TLN2: variants seen among roughly 807,000 people sequenced by gnomAD.
The protein encoded by TLN2 is talin 2.
TLN2 carries 118 observed loss-of-function variants against 294.7 expected under a neutral mutation model. That is an observed-to-expected ratio of 0.40 (90% confidence interval 0.34 to 0.47). TLN2 has a LOEUF of 0.47. Ranked by LOEUF, TLN2 falls within the 20% of genes least tolerant of loss-of-function variation. The probability of loss-of-function intolerance (pLI) is 0.84; values close to 1 mark genes in which losing one functional copy is unlikely to be tolerated. For missense variants in TLN2, 3,083 were observed against 3,282.2 expected (o/e 0.94, Z 1.48); for synonymous variants, 1,431 against 1,304.5 (o/e 1.10, Z -2.09).
rs143132556 is a variant in TLN2 at position 62,697,768 on chromosome 15, C to T, written c.1373C>T (p.Ser458Leu). ...GTGGCGCTGCCGGCCGTGATGCGCT[C>T]GGGCTCCAGCGGGCCTGAGACCTTC... ...GSVALPAVMR[S>L]GSSGPETFNV... The change falls in exon 15 of 59, where the codon TCG becomes TTG. Residue 458 changes from serine (S) to leucine (L), a missense_variant. Physicochemically the swap from Ser to Leu is moderately radical, Grantham distance 145 (BLOSUM62 -2). Coordinates refer to ENST00000636159, the MANE Select transcript of TLN2 (RefSeq NM_015059.3). 79 of 1,612,440 alleles carry T rather than the reference C, an allele frequency of 4.9e-5. No homozygotes were observed. Among genetic ancestry groups the T allele is most frequent in the African/African-American group, 9.3e-5 (7 of 74,880 alleles).
chr15:62,710,812 G>C (rs544636950), intron 21 of TLN2, among the ~76,000 whole-genome samples: 1 of 125,700 alleles, frequency 8.0e-6, no homozygotes, highest in Admixed American at 1.1e-4. Context: ...TGCAAGCTCC[G>C]CCTCCCAGGT....
intron 28 of TLN2, among the ~76,000 whole-genome samples, chr15:62,733,558 T>A (rs2060843794): frequency 1.3e-5 from 2 of 152,244 alleles, no homozygotes; most frequent in Admixed American, 6.5e-5. Flanking sequence ...GTAAATACTT[T>A]GGAACAGATA....
At chr15:62,709,206 C>T (rs947868269) in intron 21 of TLN2, among the ~76,000 whole-genome samples, 1 of 152,182 alleles carries the variant, frequency 6.6e-6, no homozygotes, top group Non-Finnish European at 1.5e-5. Context: ...CATGGGAGAG[C>T]ACCGGGGTGG....
At chr15:62,699,079 G>A (rs2058546882) in intron 16 of TLN2, among the ~76,000 whole-genome samples, 1 of 152,110 alleles carries the variant, frequency 6.6e-6, no homozygotes, top group Non-Finnish European at 1.5e-5. Context: ...ACCACGGGTG[G>A]GCTGAGAACT....
chr15:62,673,733 G>A (rs937395328), intron 9 of TLN2, 94 bp from the exon 10 acceptor site: 17 of 912,104 alleles, frequency 1.9e-5, no homozygotes, highest in African/African-American at 3.3e-5. Context: ...GGGAGACTTA[G>A]TGAGTTAACT....
chr15:62,771,207 C>T, intron 42 of TLN2, 73 bp downstream of exon 42: 1 of 1,423,898 alleles, frequency 7.0e-7, no homozygotes. Context: ...GTAATGTGTC[C>T]TTCCAGGAGA....
chr15:62,658,150 T>G, intron 9 of TLN2: 1 of 271,946 alleles, frequency 3.7e-6, no homozygotes, highest in Non-Finnish European at 6.8e-6. Context: ...TTCCTTCTAC[T>G]TCGTCTTAGT....
rs1334554451 is a variant in TLN2, at chr15:62,748,230, T to C, written c.4026-121T>C. On this transcript the variant is annotated intron_variant, in intron 32 of 58. Coordinates refer to ENST00000636159, the MANE Select transcript of TLN2 (RefSeq NM_015059.3). ...TTGTGTAGAGCCTCTGCAGAAGAGT[T>C]CTCCTGGGGACCCGAGCTGAAATAG... 1.2e-5 allele frequency: 9 copies of C among 734,276 alleles called. No individual in the cohort carries two copies. The East Asian group carries it at 2.3e-4, about 19-fold the overall frequency. The allele number at this position is 734,276 out of a possible 1,614,324, so 45.5% of individuals were successfully genotyped here.
At chr15:62,476,132 C>G (rs1416614869) in intron 1 of TLN2, among the ~76,000 whole-genome samples, 1 of 152,124 alleles carries the variant, frequency 6.6e-6, no homozygotes, top group African/African-American at 2.4e-5. Context: ...TGGGCTGGCA[C>G]CAAAACTGGA....
At chr15:62,507,545 G>A (rs1230887817) in intron 1 of TLN2, among the ~76,000 whole-genome samples, 1 of 152,238 alleles carries the variant, frequency 6.6e-6, no homozygotes, top group Non-Finnish European at 1.5e-5. Context: ...GGGAGGCAGA[G>A]CACAGGTGGG....
In TLN2 at chr15:62,587,903, C is replaced by T. The variant is rs1434842291; in HGVS notation, c.-237-1784C>T. On this transcript the variant is annotated intron_variant, in intron 1 of 58. Transcript: ENST00000636159. ...CTAAAATTACTTTTTTTTTTGGAGA[C>T]GGAGTCTCACTCTGCAGTCCAGGCT... Among the ~76,000 whole-genome samples the T allele has an allele frequency of 3.3e-5, 5 of 151,640 alleles. No homozygotes were observed. The South Asian group carries it at 8.3e-4, about 25-fold the overall frequency.
intron 1 of TLN2, among the ~76,000 whole-genome samples, chr15:62,537,105 G>A (rs2041398715): frequency 6.6e-6 from 1 of 151,178 alleles, no homozygotes; most frequent in Non-Finnish European, 1.5e-5. Context: ...TGCAAGCTCC[G>A]CCTCCTGGGT....
chr15:62,399,494 A>G (rs557357104), intron 1 of TLN2, among the ~76,000 whole-genome samples: 3 of 152,050 alleles, frequency 2.0e-5, no homozygotes, highest in Non-Finnish European at 4.4e-5. Context: ...TGCACCACAT[A>G]CCTGGAAAAG....
chr15:62,815,175 TGTCACACACACACA>T (rs2067003774), intron 52 of TLN2, among the ~76,000 whole-genome samples: 1 of 51,578 alleles, frequency 1.9e-5, no homozygotes, highest in African/African-American at 4.1e-5. Context: ...TTATTCTGTC[TGTCACACACACACA>T]CACACACACA....
chr15:62,840,606 GC>G lies in TLN2; in HGVS notation c.7626del (p.Ter2543LysfsTer23), dbSNP rs1555528970. 3.1e-6 allele frequency: 5 copies of G among 1,613,744 alleles called. No individual in the cohort carries two copies. Among genetic ancestry groups the G allele is most frequent in the African/African-American group, 1.3e-5 (1 of 74,912 alleles). On this transcript the variant is annotated frameshift_variant, in exon 59 of 59. Coordinates refer to ENST00000636159, the MANE Select transcript of TLN2 (RefSeq NM_015059.3). LOFTEE classifies it high-confidence loss of function. ...FLPTELREDE[G>X] ...CCCACCGAGCTGAGGGAAGATGAGGGCTAAAGGTGCGAGCCCAGATGGCGAG... is the reference window on the plus strand; with the variant it reads ...CCCACCGAGCTGAGGGAAGATGAGGGTAAAGGTGCGAGCCCAGATGGCGAG...
intron 1 of TLN2, among the ~76,000 whole-genome samples, chr15:62,449,879 A>G (rs77570930): frequency 5.3e-5 from 8 of 152,314 alleles, no homozygotes; most frequent in Non-Finnish European, 7.3e-5. Flanking sequence ...TGAAAAGTGC[A>G]TGGTTCCATG....
At chr15:62,416,526 A>T (rs2034093091) in intron 1 of TLN2, among the ~76,000 whole-genome samples, 1 of 152,204 alleles carries the variant, frequency 6.6e-6, no homozygotes, top group South Asian at 2.1e-4. Context: ...TGTTTTCAAG[A>T]TTAAATTGCT....
At position 62,689,846 on chromosome 15, in the gene TLN2, C is replaced by CTT. The variant is rs1158144919; in HGVS notation, c.1114-2964_1114-2963dup. Among the ~76,000 whole-genome samples the CTT allele has an allele frequency of 2.5e-3, 38 of 15,410 alleles. 7 individuals carry two copies. Among genetic ancestry groups the CTT allele is most frequent in the African/African-American group, 5.1e-3 (36 of 7,066 alleles). The allele number at this position is 15,410 out of a possible 152,430, so 10.1% of individuals were successfully genotyped here. ...TTTTCAAAATTCTTGGTATGGGCTT[C>CTT]TTTTTTTTTTTTTTTTTTTTTTTTT... On this transcript the variant is annotated intron_variant, in intron 12 of 58. Coordinates refer to ENST00000636159, the MANE Select transcript of TLN2 (RefSeq NM_015059.3).
intron 1 of TLN2, among the ~76,000 whole-genome samples, chr15:62,450,993 A>G (rs909852244): frequency 7.0e-6 from 1 of 142,728 alleles, no homozygotes. Context: ...TTTTTTTGGT[A>G]GAGATGAGGT....
Sources: gnomAD v4.1 joint callset for allele counts (sites outside exome capture counted in the v4.1 genomes callset) on GRCh38, gnomAD v4.1.1 for gene constraint, MANE v1.5 for transcripts, NCBI Gene and HGNC (gene_info 2026-07-23, HGNC 2026-07-21) for gene names.